The following CACNA2D1 variants were observed in gnomAD, a reference collection of about 807,000 sequenced individuals.
The protein encoded by CACNA2D1 is voltage-dependent calcium channel subunit alpha-2/delta-1.
Under a neutral mutation model 171.5 loss-of-function variants are expected in CACNA2D1, and 53 were observed. The ratio of observed to expected loss-of-function variants is 0.31; its 90% CI spans 0.25 to 0.39. The LOEUF (loss-of-function observed/expected upper bound fraction) is 0.39, where lower values mean the gene tolerates loss of function less well. Ranked by LOEUF, CACNA2D1 falls within the 10% of genes least tolerant of loss-of-function variation. The pLI, the probability that CACNA2D1 is intolerant of heterozygous loss-of-function variation, is 1.00. For synonymous variants in CACNA2D1, 442 were observed against 443.1 expected (o/e 1.00, Z 0.03); for missense variants, 903 against 1,299.8 (o/e 0.69, Z 4.69).
chr7:82,279,923 C>T (rs961404618), intron 3 of CACNA2D1, among the ~76,000 whole-genome samples: 2 of 152,120 alleles, frequency 1.3e-5, no homozygotes, highest in Non-Finnish European at 2.9e-5. Context: ...CTGTTCACAG[C>T]TTAAGTGATC....
chr7:82,228,471 T>C (rs1802580585), intron 3 of CACNA2D1, among the ~76,000 whole-genome samples: 2 of 152,184 alleles, frequency 1.3e-5, no homozygotes, highest in Admixed American at 6.5e-5. Context: ...TGGAAATGCA[T>C]GGTAATTCAA....
intron 3 of CACNA2D1, among the ~76,000 whole-genome samples, chr7:82,303,066 T>C (rs894631104): frequency 2.6e-5 from 4 of 152,218 alleles, no homozygotes; most frequent in South Asian, 2.1e-4. Flanking sequence ...CGATCTCGGC[T>C]CACTGCAAGC....
At chr7:82,129,400 C>T (rs372329330) in intron 5 of CACNA2D1, among the ~76,000 whole-genome samples, 5 of 152,164 alleles carry the variant, frequency 3.3e-5, no homozygotes, top group East Asian at 3.9e-4. Flanking sequence ...CTTATGAATA[C>T]ACCTATGAAT....
rs533691109 is a variant in CACNA2D1, at chr7:82,362,923, C to T, written c.96-13274G>A. ...ACTTCCTGCAATGGGCATTCATTAC[C>T]CTACTAAAAACCTTTTTATTTAGGC... On this transcript the variant is annotated intron_variant, in intron 1 of 38. Coordinates refer to ENST00000356860, the MANE Select transcript of CACNA2D1 (RefSeq NM_000722.4). Among the ~76,000 whole-genome samples, 27 of 152,134 alleles carry T rather than the reference C, an allele frequency of 1.8e-4. No individual in the cohort carries two copies. The South Asian group carries it at 5.0e-3, about 28-fold the overall frequency.
intron 38 of CACNA2D1, among the ~76,000 whole-genome samples, chr7:81,958,870 G>C (rs933691287): frequency 8.6e-5 from 13 of 150,842 alleles, no homozygotes; most frequent in African/African-American, 1.5e-4. Flanking sequence ...CTAGAACTCT[G>C]TAATAATAAG....
intron 2 of CACNA2D1, among the ~76,000 whole-genome samples, chr7:82,344,155 C>T (rs1780290315): frequency 6.6e-6 from 1 of 152,188 alleles, no homozygotes; most frequent in Non-Finnish European, 1.5e-5. Flanking sequence ...CCTCATTGGC[C>T]TCTATGCCAA....
intron 3 of CACNA2D1, among the ~76,000 whole-genome samples, chr7:82,250,093 G>T (rs1313432823): frequency 6.6e-6 from 1 of 152,198 alleles, no homozygotes; most frequent in Non-Finnish European, 1.5e-5. Flanking sequence ...CCAGTGGCAG[G>T]ATTTGTAATA....
chr7:82,317,442 C>G (rs1380757783), intron 3 of CACNA2D1, among the ~76,000 whole-genome samples: 1 of 152,144 alleles, frequency 6.6e-6, no homozygotes, highest in Non-Finnish European at 1.5e-5. Context: ...TGTCCTCCTT[C>G]CAGTATTTAT....
intron 3 of CACNA2D1, among the ~76,000 whole-genome samples, chr7:82,242,490 T>C (rs1264521298): frequency 1.3e-5 from 2 of 152,184 alleles, no homozygotes; most frequent in South Asian, 2.1e-4. Flanking sequence ...AGAATTTCAT[T>C]TGAGAATCTT....
chr7:82,280,304 T>A (rs1809915100), intron 3 of CACNA2D1, among the ~76,000 whole-genome samples: 1 of 152,088 alleles, frequency 6.6e-6, no homozygotes, highest in African/African-American at 2.4e-5. Context: ...GAGAGGAAAA[T>A]TTGAGTGACA....
chr7:82,006,359 T>C (rs1243646993), intron 16 of CACNA2D1, among the ~76,000 whole-genome samples: 1 of 152,006 alleles, frequency 6.6e-6, no homozygotes, highest in Non-Finnish European at 1.5e-5. Flanking sequence ...AAACACTATT[T>C]CTAGTCACTG....
chr7:82,035,063 CA>C (rs1003839054), intron 11 of CACNA2D1, among the ~76,000 whole-genome samples: 15 of 151,608 alleles, frequency 9.9e-5, no homozygotes, highest in African/African-American at 3.4e-4. Flanking sequence ...CAAATTAAGC[CA>C]AAAAAACAAG....
At chr7:82,411,328 A>T (rs1260797965) in intron 1 of CACNA2D1, among the ~76,000 whole-genome samples, 1 of 152,242 alleles carries the variant, frequency 6.6e-6, no homozygotes, top group East Asian at 1.9e-4. Flanking sequence ...AGTCCAGAAC[A>T]GGTGATTTAT....
At chr7:82,246,682 T>C (rs914110966) in intron 3 of CACNA2D1, among the ~76,000 whole-genome samples, 2 of 152,130 alleles carry the variant, frequency 1.3e-5, no homozygotes, top group Admixed American at 1.3e-4. Flanking sequence ...GTTCACCCAA[T>C]AGCTAGTTGT....
At chr7:82,257,725 C>G (rs953007914) in intron 3 of CACNA2D1, among the ~76,000 whole-genome samples, 2 of 152,130 alleles carry the variant, frequency 1.3e-5, no homozygotes, top group African/African-American at 4.8e-5. Context: ...TGTTAGCAAT[C>G]TGGACTGGTT....
At chr7:82,295,342 T>TC (rs1491452435) in intron 3 of CACNA2D1, among the ~76,000 whole-genome samples, 2 of 26,316 alleles carry the variant, frequency 7.6e-5, no homozygotes, top group Non-Finnish European at 7.9e-5. Context: ...GTAGCTTGTA[T>TC]TTTTTTTTTT....
Position 82,081,004 on chromosome 7 carries a change from T to C in CACNA2D1, c.658+3765A>G, listed in dbSNP as rs141055895. Among the ~76,000 whole-genome samples, 173 of 152,340 alleles carry C rather than the reference T, an allele frequency of 1.1e-3. 7 individuals carry two copies. In the East Asian group the frequency reaches 0.033, roughly 29 times the overall value. On this transcript the variant is annotated intron_variant, in intron 7 of 38. Transcript: ENST00000356860. ...CCCCAGGGGATAAAATGAGGAGTTA[T>C]TAATGTTCCACTTTTTCAAATTTAA...
intron 26 of CACNA2D1, 116 bp downstream of exon 26, chr7:81,971,661 A>G (rs1795288301): frequency 1.4e-6 from 1 of 692,266 alleles, no homozygotes; most frequent in East Asian, 2.8e-5. Context: ...TTTTCTTGAG[A>G]AATATTAAAC....
At chr7:82,023,234 AT>A (rs1180950852) in intron 12 of CACNA2D1, among the ~76,000 whole-genome samples, 2 of 152,016 alleles carry the variant, frequency 1.3e-5, no homozygotes, top group East Asian at 1.9e-4. Flanking sequence ...GCAGGTAAAG[AT>A]TATAAAGCAA....
Sources: allele counts gnomAD v4.1 joint callset (sites outside exome capture counted in the v4.1 genomes callset), GRCh38; gene constraint gnomAD v4.1.1; transcripts MANE v1.5; gene names NCBI Gene and HGNC (gene_info 2026-07-23, HGNC 2026-07-21).